Variants in PATJ observed in about 807,000 individuals in gnomAD.
The protein encoded by PATJ is inaD-like protein.
A neutral mutation model predicts 224.9 loss-of-function variants in PATJ; 190 were observed. That is an observed-to-expected ratio of 0.84 (90% CI 0.75 to 0.95). The LOEUF is 0.95. Among genes scored for constraint, PATJ ranks in the 40% least tolerant of loss-of-function variants. PATJ has a pLI of 0.00. For missense variants in PATJ, 2,121 were observed against 2,270.3 expected (o/e 0.93, Z 1.34); for synonymous variants, 769 against 820.3 (o/e 0.94, Z 1.07).
intron 39 of PATJ, among the ~76,000 whole-genome samples, chr1:62,123,288 G>A (rs898568593): frequency 2.6e-5 from 4 of 151,994 alleles, no homozygotes; most frequent in Admixed American, 2.0e-4. Context: ...TCTGTGCTAT[G>A]TGTAAGTTTT....
chr1:61,997,982 T>TTTTATATATATATATATATATATA (rs374175697), intron 28 of PATJ, among the ~76,000 whole-genome samples: 15 of 118,298 alleles, frequency 1.3e-4, no homozygotes, highest in African/African-American at 5.1e-4. Context: ...TGTGCCCAGC[T>TTTTATATATATATATATATATATA]TATATATGTA....
intron 29 of PATJ, among the ~76,000 whole-genome samples, chr1:62,036,539 G>A (rs912489765): frequency 6.6e-6 from 1 of 152,112 alleles, no homozygotes; most frequent in South Asian, 2.1e-4. Flanking sequence ...AGTAACAGTT[G>A]GGTACACAGG....
intron 31 of PATJ, among the ~76,000 whole-genome samples, chr1:62,065,122 A>G (rs1428559047): frequency 6.6e-6 from 1 of 152,226 alleles, no homozygotes; most frequent in Non-Finnish European, 1.5e-5. Flanking sequence ...TCTTGGTGAT[A>G]AAAAAGGCTG....
At chr1:62,017,410 C>T (rs1157509019) in intron 28 of PATJ, among the ~76,000 whole-genome samples, 4 of 101,122 alleles carry the variant, frequency 4.0e-5, no homozygotes, top group African/African-American at 1.7e-4. Flanking sequence ...CGAGACTCCG[C>T]CTCAAAAAAA....
chr1:62,144,779 T>A (rs60658588), intron 41 of PATJ, among the ~76,000 whole-genome samples: 17,817 of 99,456 alleles, frequency 0.18, 1,589 homozygotes, highest in South Asian at 0.3. Context: ...AAAAAAAAAA[T>A]ATATATATAT....
Position 61,771,553 on chromosome 1 carries a change from T to A in PATJ, c.647T>A (p.Ile216Asn). The change falls in exon 6 of 44, where the codon ATT becomes AAT. Residue 216 changes from isoleucine (I) to asparagine (N), a missense_variant. Transcript: ENST00000642238. Reference sequence around the variant, plus strand: ...CAAACCACTGGATCTTTGAGACTGATTGTGGCCAGGGAACCAGTCCACACA... The same window carrying A: ...CAAACCACTGGATCTTTGAGACTGAATGTGGCCAGGGAACCAGTCCACACA... ...LQQTTGSLRL[I>N]VAREPVHTKS... is the part of the protein sequence containing the mutation. 1 of 1,613,638 alleles carries A rather than the reference T, an allele frequency of 6.2e-7. No individual in the cohort carries two copies. Among genetic ancestry groups the A allele is most frequent in the Non-Finnish European group, 8.5e-7 (1 of 1,179,820 alleles).
At chr1:61,879,486 T>C (rs557995302) in intron 21 of PATJ, among the ~76,000 whole-genome samples, 1 of 152,344 alleles carries the variant, frequency 6.6e-6, no homozygotes, top group South Asian at 2.1e-4. Flanking sequence ...ACCCAAAACC[T>C]AACTGCCCAC....
chr1:61,767,890 T>C (rs549989), intron 4 of PATJ, among the ~76,000 whole-genome samples: 65 of 151,894 alleles, frequency 4.3e-4, no homozygotes, highest in Non-Finnish European at 6.2e-4. Flanking sequence ...TTGGCCATGA[T>C]AGTCTCTCCT....
intron 31 of PATJ, among the ~76,000 whole-genome samples, chr1:62,059,549 G>A (rs55972190): frequency 0.036 from 5,445 of 151,990 alleles, 316 homozygotes; most frequent in African/African-American, 0.13. Flanking sequence ...CCCGGGAGAC[G>A]GAGGTTGCAA....
At chr1:62,061,908 C>T (rs887612035) in intron 31 of PATJ, among the ~76,000 whole-genome samples, 3 of 152,146 alleles carry the variant, frequency 2.0e-5, no homozygotes, top group Non-Finnish European at 4.4e-5. Flanking sequence ...ATCCACCCGC[C>T]TCGGCCTCCC....
chr1:62,009,549 G>A (rs1451144806), intron 28 of PATJ, among the ~76,000 whole-genome samples: 8 of 152,106 alleles, frequency 5.3e-5, no homozygotes, highest in Non-Finnish European at 8.8e-5. Context: ...GGTTGCTGAA[G>A]GTTGGGGTGG....
Position 62,153,425 on chromosome 1 carries a change from G to A in PATJ, c.5446G>A (p.Gly1816Ser). 3 of 1,231,324 alleles carry A rather than the reference G, an allele frequency of 2.4e-6. No homozygotes were observed. The highest frequency in any genetic ancestry group is 3.0e-6 in the Non-Finnish European group (3 of 987,296). The allele number at this position is 1,231,324 out of a possible 1,614,324, so 76.3% of individuals were successfully genotyped here. The part of the protein sequence containing the change: ...SEGLGFSIVG[G>S]YGSPHGDLPI... ...AGGCTTGGGGTTTAGTATTGTAGGG[G>A]GTTATGGAAGTCCCCATGGAGACCT... Residue 1816 changes from glycine (G) to serine (S), a missense_variant, in exon 43 of 44, where the codon GGT becomes AGT. Transcript: ENST00000642238.
At chr1:62,029,419 C>T (rs1022175202) in intron 29 of PATJ, among the ~76,000 whole-genome samples, 1 of 152,102 alleles carries the variant, frequency 6.6e-6, no homozygotes, top group Non-Finnish European at 1.5e-5. Flanking sequence ...CTTTTGGCAA[C>T]AATTTACAGT....
intron 18 of PATJ, among the ~76,000 whole-genome samples, chr1:61,858,164 C>T (rs759917470): frequency 1.3e-5 from 2 of 152,022 alleles, no homozygotes; most frequent in Non-Finnish European, 2.9e-5. Flanking sequence ...CCTCTGGGAG[C>T]TTTTACTCAT....
chr1:61,845,111 C>T (rs933940237), intron 17 of PATJ, among the ~76,000 whole-genome samples: 9 of 152,100 alleles, frequency 5.9e-5, no homozygotes, highest in East Asian at 1.9e-4. Context: ...GGTCTTCGAA[C>T]GTATTCCTTA....
intron 9 of PATJ, among the ~76,000 whole-genome samples, chr1:61,792,406 C>T (rs776125150): frequency 6.6e-6 from 1 of 152,166 alleles, no homozygotes; most frequent in Non-Finnish European, 1.5e-5. Context: ...TCATTAGTTC[C>T]TAAACTTATG....
At chr1:61,810,141 C>T (rs1450355292) in intron 14 of PATJ, among the ~76,000 whole-genome samples, 3 of 152,066 alleles carry the variant, frequency 2.0e-5, no homozygotes, top group African/African-American at 7.2e-5. Flanking sequence ...TGAGTCACCA[C>T]GCCTGGCCAG....
chr1:61,853,421 G>A (rs924775780), intron 17 of PATJ, among the ~76,000 whole-genome samples: 1 of 152,070 alleles, frequency 6.6e-6, no homozygotes, highest in African/African-American at 2.4e-5. Context: ...TTTGCTTTTG[G>A]TATATTTTGC....
intron 7 of PATJ, among the ~76,000 whole-genome samples, chr1:61,780,665 T>C (rs901116748): frequency 4.6e-5 from 7 of 152,182 alleles, no homozygotes; most frequent in African/African-American, 1.4e-4. Flanking sequence ...GGCATTTTTT[T>C]TTTTCCAAAA....
Sources: allele counts gnomAD v4.1 joint callset (sites outside exome capture counted in the v4.1 genomes callset), GRCh38; gene constraint gnomAD v4.1.1; transcripts MANE v1.5; gene names NCBI Gene and HGNC (gene_info 2026-07-23, HGNC 2026-07-21).